The following PLEKHA5 variants were observed in gnomAD, a reference collection of about 807,000 sequenced individuals.
PLEKHA5 encodes pleckstrin homology domain containing A5, also known as pleckstrin homology domain-containing family A member 5.
Under a neutral mutation model 181.9 loss-of-function variants are expected in PLEKHA5, and 55 were observed. That is an observed-to-expected ratio of 0.30 (90% CI 0.24 to 0.38). The LOEUF is 0.38. Ranked by LOEUF, PLEKHA5 falls within the 10% of genes least tolerant of loss-of-function variation. The pLI, the probability that PLEKHA5 is intolerant of heterozygous loss-of-function variation, is 1.00. For missense variants in PLEKHA5, 1,432 were observed against 1,549.5 expected, an observed-to-expected ratio of 0.92 and a Z score of 1.27; for synonymous variants, 535 against 529.4, an observed-to-expected ratio of 1.01 and a Z score of -0.15.
intron 13 of PLEKHA5, chr12:19,288,160 A>C: frequency 3.8e-6 from 1 of 266,210 alleles, no homozygotes; most frequent in Non-Finnish European, 7.5e-6. Flanking sequence ...TTAAAACAGA[A>C]GTTGCAGTAA....
At chr12:19,169,727 CCATCATTG>C (rs1225640731) in intron 3 of PLEKHA5, among the ~76,000 whole-genome samples, 1 of 152,178 alleles carries the variant, frequency 6.6e-6, no homozygotes, top group Admixed American at 6.6e-5. Flanking sequence ...ATCCTGCAAA[CCATCATTG>C]GCTTTTGGGA....
At chr12:19,277,199 T>C (rs2074810702) in intron 11 of PLEKHA5, among the ~76,000 whole-genome samples, 1 of 152,134 alleles carries the variant, frequency 6.6e-6, no homozygotes, top group Non-Finnish European at 1.5e-5. Context: ...GGGAAAGTAA[T>C]CACTTTCAGA....
chr12:19,343,679 A>G (rs757972834), intron 22 of PLEKHA5, among the ~76,000 whole-genome samples: 1 of 152,204 alleles, frequency 6.6e-6, no homozygotes, highest in Non-Finnish European at 1.5e-5. Context: ...CAGTTGTAAC[A>G]CAATGTTATT....
intron 29 of PLEKHA5, among the ~76,000 whole-genome samples, chr12:19,363,791 C>T (rs1171822976): frequency 6.6e-6 from 1 of 152,192 alleles, no homozygotes; most frequent in Non-Finnish European, 1.5e-5. Flanking sequence ...CATACCCAGC[C>T]TTAACTGGCC....
At chr12:19,352,176 G>A (rs544048656) in intron 25 of PLEKHA5, among the ~76,000 whole-genome samples, 7 of 151,158 alleles carry the variant, frequency 4.6e-5, no homozygotes, top group East Asian at 3.9e-4. Flanking sequence ...TTGAGCCCAA[G>A]AGTTCAAGAC....
intron 3 of PLEKHA5, chr12:19,201,089 C>T (rs2054071465): frequency 6.6e-6 from 1 of 151,868 alleles, no homozygotes; most frequent in South Asian, 2.1e-4. Context: ...AAAGTACAGG[C>T]AAATCACATA....
At chr12:19,291,453 A>G (rs1397672552) in intron 14 of PLEKHA5, among the ~76,000 whole-genome samples, 191 bp from the exon 15 acceptor site, 1 of 152,230 alleles carries the variant, frequency 6.6e-6, no homozygotes, top group Non-Finnish European at 1.5e-5. Context: ...TTTCTTACAA[A>G]ACAAAATATA....
At chr12:19,270,305 T>C (rs967122242) in intron 10 of PLEKHA5, 100 bp downstream of exon 10, 3 of 585,232 alleles carry the variant, frequency 5.1e-6, no homozygotes, top group Non-Finnish European at 8.1e-6. Context: ...TTTATTTTTA[T>C]GAAGTTAATT....
chr12:19,369,228 T>C (rs1009445887), intron 30 of PLEKHA5, among the ~76,000 whole-genome samples: 3 of 151,632 alleles, frequency 2.0e-5, no homozygotes, highest in Non-Finnish European at 2.9e-5. Context: ...AGAGTCGGGG[T>C]TTCACCATGT....
intron 31 of PLEKHA5, among the ~76,000 whole-genome samples, chr12:19,374,996 G>A (rs2095680576): frequency 6.6e-6 from 1 of 151,762 alleles, no homozygotes; most frequent in East Asian, 2.0e-4. Context: ...AGAAGGAGGA[G>A]GAGGAGGAAG....
rs2032765545 is a variant in PLEKHA5, at chr12:19,129,741, C to T, written c.-59C>T. The T allele has an allele frequency of 5.1e-6, 7 of 1,369,594 alleles. No individual in the cohort carries two copies. Among genetic ancestry groups the T allele is most frequent in the Non-Finnish European group, 7.2e-6 (7 of 978,684 alleles). The allele number at this position is 1,369,594 out of a possible 1,614,324, so 84.8% of individuals were successfully genotyped here. A position where few individuals can be genotyped will look rare whatever the true frequency, so the allele number is the denominator to read the frequency against. Reference sequence around the variant, plus strand: ...GCTCCCTTCGCTCGCTCGTTCCCTCCTCCCTCGGCAGCCGCGGCGGCAGCA... The same window carrying T: ...GCTCCCTTCGCTCGCTCGTTCCCTCTTCCCTCGGCAGCCGCGGCGGCAGCA... On this transcript the variant is annotated 5_prime_UTR_variant, in exon 1 of 32. Coordinates refer to ENST00000429027, the MANE Select transcript of PLEKHA5 (RefSeq NM_001256470.2).
intron 3 of PLEKHA5, among the ~76,000 whole-genome samples, chr12:19,179,330 T>C (rs2048003691): frequency 6.6e-6 from 1 of 152,162 alleles, no homozygotes; most frequent in Non-Finnish European, 1.5e-5. Flanking sequence ...GGCTAAGGAC[T>C]GGAGGGGAAC....
chr12:19,365,571 G>A (rs1383612052), intron 29 of PLEKHA5, among the ~76,000 whole-genome samples: 1 of 152,122 alleles, frequency 6.6e-6, no homozygotes, highest in Admixed American at 6.6e-5. Context: ...ACCTTGTTTG[G>A]ATCCTGATTC....
At chr12:19,346,026 T>C (rs1050758085) in intron 23 of PLEKHA5, 138 bp downstream of exon 23, 2 of 446,500 alleles carry the variant, frequency 4.5e-6, no homozygotes, top group African/African-American at 4.2e-5. Flanking sequence ...GTCTTGAAAT[T>C]TTATTGGATC....
chr12:19,210,149 T>A (rs1303794037), intron 3 of PLEKHA5, among the ~76,000 whole-genome samples: 2 of 152,236 alleles, frequency 1.3e-5, no homozygotes, highest in Non-Finnish European at 2.9e-5. Flanking sequence ...ACTAAATGGC[T>A]GATATTCTCA....
Position 19,212,447 on chromosome 12 carries a change from G to T in PLEKHA5, c.228-41493G>T, listed in dbSNP as rs142175454. Among the ~76,000 whole-genome samples the T allele has an allele frequency of 3.3e-5, 5 of 152,282 alleles. No individual in the cohort carries two copies. The South Asian group carries it at 1.0e-3, about 32-fold the overall frequency. Reference sequence around the variant, plus strand: ...CCTGTAATCCCAACACTCAGAGGCCGAGGCGGGCTGATCACCTGAGGCCAG... The same window carrying T: ...CCTGTAATCCCAACACTCAGAGGCCTAGGCGGGCTGATCACCTGAGGCCAG... On this transcript the variant is annotated intron_variant, in intron 3 of 31. Transcript: ENST00000429027.
chr12:19,221,446 A>G (rs534911945), intron 3 of PLEKHA5, among the ~76,000 whole-genome samples: 5 of 152,052 alleles, frequency 3.3e-5, no homozygotes, highest in East Asian at 3.9e-4. Flanking sequence ...TGGCAAAACT[A>G]TAGAGTGGAA....
intron 11 of PLEKHA5, among the ~76,000 whole-genome samples, chr12:19,279,630 A>G (rs1229067969): frequency 6.6e-6 from 1 of 151,632 alleles, no homozygotes; most frequent in Admixed American, 6.6e-5. Context: ...ATTGCACTCC[A>G]GCCTGGACGA....
intron 29 of PLEKHA5, among the ~76,000 whole-genome samples, chr12:19,365,382 A>G (rs946265436): frequency 4.6e-5 from 7 of 151,206 alleles, no homozygotes; most frequent in Non-Finnish European, 8.9e-5. Context: ...AAAAAAAAAA[A>G]TCTTATAACT....
Sources: allele counts gnomAD v4.1 joint callset (sites outside exome capture counted in the v4.1 genomes callset), GRCh38; gene constraint gnomAD v4.1.1; transcripts MANE v1.5; gene names NCBI Gene and HGNC (gene_info 2026-07-23, HGNC 2026-07-21).